Variants in CD5 observed in about 807,000 individuals in gnomAD.
CD5 encodes the protein T-cell surface glycoprotein CD5.
CD5 carries 36 observed loss-of-function variants against 60.3 expected under a neutral mutation model. The ratio of observed to expected loss-of-function variants is 0.60; its 90% CI spans 0.46 to 0.79. The LOEUF is 0.79. Ranked by LOEUF, CD5 falls within the 30% of genes least tolerant of loss-of-function variation. CD5 has a pLI of 0.00. For synonymous variants in CD5, 230 were observed against 257.6 expected, an observed-to-expected ratio of 0.89 and a Z score of 1.03; for missense variants, 540 against 630.6, an observed-to-expected ratio of 0.86 and a Z score of 1.54.
At chr11:61,094,927 G>A in the CD5 span, among the ~76,000 whole-genome samples, 1 of 152,100 alleles carries the variant, frequency 6.6e-6, no homozygotes. Context: ...TGTAAGCCAG[G>A]GCACCCAGAT....
Position 61,119,659 on chromosome 11 carries a change from G to A in CD5, c.805+84G>A, listed in dbSNP as rs375754861. ...AGCATCCCAGAAGGTCAGGGAACATGTGTGCAGCACAGGGCACTATGGAGA... is the reference window on the plus strand; with the variant it reads ...AGCATCCCAGAAGGTCAGGGAACATATGTGCAGCACAGGGCACTATGGAGA... On this transcript the variant is annotated intron_variant, in intron 5 of 10. Coordinates refer to ENST00000347785, the MANE Select transcript of CD5 (RefSeq NM_014207.4). The A allele has an allele frequency of 7.9e-5, 76 of 966,672 alleles. 1 individual carries two copies. In the South Asian group the frequency reaches 1.1e-3, roughly 14 times the overall value. The allele number at this position is 966,672 out of a possible 1,614,324, so 59.9% of individuals were successfully genotyped here.
chr11:61,113,780 T>C (rs963734067), intron 1 of CD5, among the ~76,000 whole-genome samples: 4 of 152,200 alleles, frequency 2.6e-5, no homozygotes, highest in Non-Finnish European at 5.9e-5. Context: ...GCAATTCTCC[T>C]GCCTCAGCCT....
intron 1 of CD5, among the ~76,000 whole-genome samples, chr11:61,112,654 G>GA (rs1860874383): frequency 6.9e-6 from 1 of 144,596 alleles, no homozygotes; most frequent in Non-Finnish European, 1.5e-5. Flanking sequence ...AAAAAAAAAA[G>GA]AAAAAATTGA....
chr11:61,106,065 C>T (rs542238464), intron 1 of CD5, among the ~76,000 whole-genome samples: 31 of 129,082 alleles, frequency 2.4e-4, no homozygotes, highest in Non-Finnish European at 3.5e-4. Flanking sequence ...GCGGAGGTTG[C>T]GGTGAGCCGA....
At chr11:61,109,376 G>A (rs565809611) in intron 1 of CD5, among the ~76,000 whole-genome samples, 8 of 152,346 alleles carry the variant, frequency 5.3e-5, no homozygotes, top group African/African-American at 1.9e-4. Flanking sequence ...TGCCAGCGAG[G>A]CGTGGACGAA....
In CD5 at chr11:61,122,902, C is replaced by T. The variant is rs1186577781; in HGVS notation, c.1100-5C>T. On this transcript the variant is annotated splice_polypyrimidine_tract_variant and splice_region_variant and intron_variant, in intron 6 of 10. Transcript: ENST00000347785. The stretch of plus-strand genomic sequence containing the variant: ...GGACTGACCTAACTCTTCCTCCTTC[C>T]CCAGGCCAGGATCCAAACCCCGCAG... 1 of 1,610,046 alleles carries T rather than the reference C, an allele frequency of 6.2e-7. No homozygotes were observed. Among genetic ancestry groups the T allele is most frequent in the East Asian group, 2.2e-5 (1 of 44,820 alleles).
intron 1 of CD5, among the ~76,000 whole-genome samples, chr11:61,107,978 T>G (rs181440739): frequency 3.8e-4 from 58 of 152,172 alleles, no homozygotes; most frequent in East Asian, 3.7e-3. Context: ...TGGGGTAGAC[T>G]CCCACAGGCC....
rs2134605382 is a variant in CD5, at chr11:61,118,080, G to A, written c.95-95G>A. 1 of 1,313,038 alleles carries A rather than the reference G, an allele frequency of 7.6e-7. No individual in the cohort carries two copies. The highest frequency in any genetic ancestry group is 1.5e-5 in the African/African-American group (1 of 68,902). 81.3% of individuals were successfully genotyped at this position (1,313,038 alleles called of 1,614,324 possible). Reference sequence around the variant, plus strand: ...AGGCAGGCAGCCCACGGGGCAGGAGGGAGCTCAACTGGGCGTCCTAGGGAG... The same window carrying A: ...AGGCAGGCAGCCCACGGGGCAGGAGAGAGCTCAACTGGGCGTCCTAGGGAG... On this transcript the variant is annotated intron_variant, in intron 2 of 10. Coordinates refer to ENST00000347785, the MANE Select transcript of CD5 (RefSeq NM_014207.4). The surrounding 1 kb of genome is among the most constrained non-coding windows in gnomAD (Gnocchi z 4.7).
upstream of CD5, among the ~76,000 whole-genome samples, chr11:61,101,800 C>T (rs999436361): frequency 8.6e-5 from 13 of 151,762 alleles, no homozygotes; most frequent in African/African-American, 3.2e-4. Flanking sequence ...GGAGATCACA[C>T]ACACTCAACA....
upstream of CD5, chr11:61,102,326 A>G: frequency 1.8e-6 from 1 of 569,024 alleles, no homozygotes; most frequent in Non-Finnish European, 3.1e-6. Flanking sequence ...TTGGGCAGGA[A>G]GCTGGCAGAG....
At chr11:61,120,379 T>C (rs1260525557) in intron 5 of CD5, among the ~76,000 whole-genome samples, 2 of 152,086 alleles carry the variant, frequency 1.3e-5, no homozygotes, top group African/African-American at 4.8e-5. Flanking sequence ...TCCTGGACAT[T>C]CTAAATTTTT....
chr11:61,100,732 ACAT>A (rs1486464608), upstream of CD5, among the ~76,000 whole-genome samples: 322 of 147,146 alleles, frequency 2.2e-3, no homozygotes, highest in Non-Finnish European at 3.4e-3. Flanking sequence ...TCACACACAC[ACAT>A]CAACATGGAG....
chr11:61,113,860 G>A (rs1860895611), intron 1 of CD5, among the ~76,000 whole-genome samples: 1 of 152,150 alleles, frequency 6.6e-6, no homozygotes, highest in Admixed American at 6.5e-5. Flanking sequence ...AGTAGAGACA[G>A]GGTTTCACCA....
At chr11:61,101,764 C>T (rs937695974), upstream of CD5, among the ~76,000 whole-genome samples, 4 of 151,380 alleles carry the variant, frequency 2.6e-5, no homozygotes, top group Non-Finnish European at 5.9e-5. Flanking sequence ...CACACATCAA[C>T]ATGGAGTTCA....
chr11:61,122,003 A>G, intron 6 of CD5, 99 bp downstream of exon 6: 1 of 1,075,330 alleles, frequency 9.3e-7, no homozygotes, highest in East Asian at 2.9e-5. Context: ...CTGGGGAGCT[A>G]GACAGAGAGT....
chr11:61,121,249 G>A lies in CD5; in HGVS notation c.806-362G>A, dbSNP rs2134608908. ...GGATAATGACAAGATGTTTCCAAGT[G>A]AGAAGTGGACCTAGGTGGAGCCTAT... On this transcript the variant is annotated intron_variant, in intron 5 of 10. Transcript: ENST00000347785. Among the ~76,000 whole-genome samples the A allele has an allele frequency of 1.3e-5, 2 of 152,268 alleles. 1 individual carries two copies. Among genetic ancestry groups the A allele is most frequent in the South Asian group, 4.1e-4 (2 of 4,826 alleles).
Position 61,123,895 on chromosome 11 carries a change from AAGC to A in CD5, c.1241_1243del (p.Gln414del). On this transcript the variant is annotated inframe_deletion, in exon 8 of 11. Coordinates refer to ENST00000347785, the MANE Select transcript of CD5 (RefSeq NM_014207.4). ...TGTCTCTTGCCCAGTCCGCCAGAAG[AAGC>A]AGCGCCAGTGGATTGGCCCAACGGG... 6.2e-7 allele frequency: 1 copy of A among 1,612,842 alleles called. No homozygotes were observed.
At chr11:61,125,937 T>A (rs1220142822) in intron 10 of CD5, 96 bp downstream of exon 10, 1 of 618,634 alleles carries the variant, frequency 1.6e-6, no homozygotes, top group East Asian at 3.2e-5. Flanking sequence ...AGTCCCACCC[T>A]GCCCATACAT....
intron 5 of CD5, among the ~76,000 whole-genome samples, chr11:61,120,511 A>C (rs1045977341): frequency 1.3e-5 from 2 of 152,146 alleles, no homozygotes; most frequent in African/African-American, 4.8e-5. Context: ...TTTCTGTTCA[A>C]GCAGGGTCAC....
Sources: gnomAD v4.1 joint callset for allele counts (sites outside exome capture counted in the v4.1 genomes callset) on GRCh38, gnomAD v4.1.1 for gene constraint, Gnocchi (gnomAD v3.1) non-coding constraint, MANE v1.5 for transcripts, NCBI Gene and HGNC (gene_info 2026-07-23, HGNC 2026-07-21) for gene names.